The following PLD5 variants were observed in gnomAD, a reference collection of about 807,000 sequenced individuals.
The protein encoded by PLD5 is phospholipase D family member 5, also known as inactive phospholipase D5.
Under a neutral mutation model 61.1 loss-of-function variants are expected in PLD5, and 36 were observed. The observed-to-expected ratio is 0.59, with a 90% CI of 0.45 to 0.78. PLD5 has a LOEUF of 0.78. Ranked by LOEUF, PLD5 falls within the 30% of genes least tolerant of loss-of-function variation. PLD5 has a pLI of 0.00. For missense variants in PLD5, 515 were observed against 644.4 expected (o/e 0.80, Z 2.17); for synonymous variants, 243 against 242.8 (o/e 1.00, Z -0.01).
At chr1:242,259,691 C>A (rs901561188) in intron 4 of PLD5, among the ~76,000 whole-genome samples, 1 of 145,792 alleles carries the variant, frequency 6.9e-6, no homozygotes, top group Non-Finnish European at 1.5e-5. Flanking sequence ...TAAAAGCCTG[C>A]TTTTTTTTTT....
intron 3 of PLD5, among the ~76,000 whole-genome samples, chr1:242,284,029 T>C (rs1574664146): frequency 6.6e-6 from 1 of 151,040 alleles, no homozygotes; most frequent in African/African-American, 2.4e-5. Context: ...CCTTTCTCCA[T>C]TCTTCATCAC....
intron 7 of PLD5, among the ~76,000 whole-genome samples, chr1:242,112,543 A>G (rs568803143): frequency 1.4e-4 from 22 of 152,292 alleles, no homozygotes; most frequent in African/African-American, 5.1e-4. Flanking sequence ...AAGTATTTCA[A>G]TAATATGAAT....
intron 2 of PLD5, among the ~76,000 whole-genome samples, chr1:242,334,393 G>A (rs981164353): frequency 6.6e-6 from 1 of 152,146 alleles, no homozygotes; most frequent in Non-Finnish European, 1.5e-5. Context: ...AATGATTGAA[G>A]ATGCTCATAT....
chr1:242,493,666 TG>T (rs1668249188), intron 1 of PLD5, among the ~76,000 whole-genome samples: 1 of 152,012 alleles, frequency 6.6e-6, no homozygotes, highest in Non-Finnish European at 1.5e-5. Context: ...GCTGCCAGGA[TG>T]GGCCCTGTGG....
chr1:242,108,657 G>A (rs998370078), intron 7 of PLD5, among the ~76,000 whole-genome samples: 13 of 152,140 alleles, frequency 8.5e-5, no homozygotes, highest in Admixed American at 7.2e-4. Context: ...TAAGGACCAA[G>A]CCTTAAATCA....
intron 5 of PLD5, among the ~76,000 whole-genome samples, chr1:242,126,019 G>T (rs1268449881): frequency 6.6e-6 from 1 of 152,170 alleles, no homozygotes; most frequent in Non-Finnish European, 1.5e-5. Flanking sequence ...TAGATTCCTA[G>T]AGTGAGATGT....
chr1:242,275,030 A>C (rs1489283810), intron 3 of PLD5, among the ~76,000 whole-genome samples: 1 of 152,130 alleles, frequency 6.6e-6, no homozygotes, highest in African/African-American at 2.4e-5. Context: ...TTTATCTTGG[A>C]TATACCATTA....
At chr1:242,098,502 G>A (rs999176109) in intron 9 of PLD5, among the ~76,000 whole-genome samples, 2 of 152,096 alleles carry the variant, frequency 1.3e-5, no homozygotes, top group East Asian at 3.9e-4. Flanking sequence ...CCATGGGTTC[G>A]AACTTCCTAC....
At chr1:242,489,567 AT>A (rs879450826) in intron 1 of PLD5, among the ~76,000 whole-genome samples, 5 of 152,142 alleles carry the variant, frequency 3.3e-5, no homozygotes, top group Non-Finnish European at 7.4e-5. Context: ...TTTGCAGGTG[AT>A]TTTTATTTTC....
At chr1:242,379,237 C>G (rs1272242655) in intron 1 of PLD5, among the ~76,000 whole-genome samples, 1 of 152,100 alleles carries the variant, frequency 6.6e-6, no homozygotes, top group Non-Finnish European at 1.5e-5. Flanking sequence ...GACTTGCGTA[C>G]CCAGGTAAAA....
chr1:242,327,331 T>A (rs977482822), intron 2 of PLD5, among the ~76,000 whole-genome samples: 1 of 152,196 alleles, frequency 6.6e-6, no homozygotes, highest in South Asian at 2.1e-4. Flanking sequence ...GTTTATTTTT[T>A]AAATATATAT....
At chr1:242,479,492 A>G (rs1156615428) in intron 1 of PLD5, among the ~76,000 whole-genome samples, 3 of 152,132 alleles carry the variant, frequency 2.0e-5, no homozygotes. Flanking sequence ...AAACTGAAAA[A>G]CCACTGCTGA....
intron 3 of PLD5, among the ~76,000 whole-genome samples, chr1:242,276,407 A>ATTTTATACAT (rs1674412332): frequency 6.7e-5 from 2 of 29,680 alleles, no homozygotes; most frequent in Non-Finnish European, 9.5e-5. Context: ...ATATATACAT[A>ATTTTATACAT]TTGTATACAT....
At chr1:242,429,528 T>C (rs1665607907) in intron 1 of PLD5, among the ~76,000 whole-genome samples, 1 of 152,218 alleles carries the variant, frequency 6.6e-6, no homozygotes, top group African/African-American at 2.4e-5. Context: ...ATTACAGGCA[T>C]GAGCCACAAC....
At chr1:242,445,530 C>T (rs1356775196) in intron 1 of PLD5, among the ~76,000 whole-genome samples, 1 of 152,000 alleles carries the variant, frequency 6.6e-6, no homozygotes, top group Non-Finnish European at 1.5e-5. Flanking sequence ...TTATTAGAGA[C>T]GGGGTTTCAC....
intron 1 of PLD5, among the ~76,000 whole-genome samples, chr1:242,403,933 A>C (rs1443849449): frequency 1.3e-5 from 2 of 152,226 alleles, no homozygotes; most frequent in Non-Finnish European, 2.9e-5. Flanking sequence ...AATAATACAC[A>C]AACCACATTC....
chr1:242,504,113 A>G (rs887585209), intron 1 of PLD5, among the ~76,000 whole-genome samples: 8 of 152,188 alleles, frequency 5.3e-5, no homozygotes, highest in African/African-American at 1.9e-4. Flanking sequence ...ATAAAAAAAA[A>G]TGTACCTACC....
intron 3 of PLD5, among the ~76,000 whole-genome samples, chr1:242,274,606 T>C (rs1015703922): frequency 3.9e-5 from 6 of 151,972 alleles, no homozygotes; most frequent in Admixed American, 3.9e-4. Context: ...TACAAAAAAT[T>C]AGCCAGGTGT....
At position 242,166,899 on chromosome 1, in the gene PLD5, G is replaced by T. The variant is rs1471075505; in HGVS notation, c.736-42234C>A. On this transcript the variant is annotated intron_variant, in intron 5 of 9. Transcript: ENST00000536534. ...TATGAGCCACTGTAGTTAGTGGTATGATATGCTTCAATGTCCATTGAATTG... is the reference window on the plus strand; with the variant it reads ...TATGAGCCACTGTAGTTAGTGGTATTATATGCTTCAATGTCCATTGAATTG... Among the ~76,000 whole-genome samples the T allele has an allele frequency of 4.6e-5, 7 of 152,012 alleles. No homozygotes were observed. The East Asian group carries it at 1.4e-3, about 29-fold the overall frequency.
Sources: allele counts gnomAD v4.1 joint callset (sites outside exome capture counted in the v4.1 genomes callset), GRCh38; gene constraint gnomAD v4.1.1; transcripts MANE v1.5; gene names NCBI Gene and HGNC (gene_info 2026-07-23, HGNC 2026-07-21).